The following ABI1 variants were observed in gnomAD, a reference collection of about 807,000 sequenced individuals.
The protein encoded by ABI1 is abl interactor 1, also known as Abelson interactor 1.
Under a neutral mutation model 54.6 loss-of-function variants are expected in ABI1, and 14 were observed. The ratio of observed to expected loss-of-function variants is 0.26; its 90% CI spans 0.17 to 0.40. The LOEUF (loss-of-function observed/expected upper bound fraction) is 0.40, where lower values mean the gene tolerates loss of function less well. Among genes scored for constraint, ABI1 ranks in the 10% least tolerant of loss-of-function variants. ABI1 has a pLI of 1.00. For synonymous variants in ABI1, 194 were observed against 209.3 expected, an observed-to-expected ratio of 0.93 and a Z score of 0.63; for missense variants, 443 against 598.3, an observed-to-expected ratio of 0.74 and a Z score of 2.71.
intron 1 of ABI1, among the ~76,000 whole-genome samples, chr10:26,848,685 T>A (rs1317420002): frequency 7.0e-6 from 1 of 142,950 alleles, no homozygotes; most frequent in East Asian, 2.2e-4. Context: ...CTCAGCTCAC[T>A]GCAACCTCTG....
chr10:26,796,294 T>G (rs1318850876), intron 2 of ABI1, among the ~76,000 whole-genome samples: 3 of 152,250 alleles, frequency 2.0e-5, no homozygotes, highest in Non-Finnish European at 4.4e-5. Context: ...CATAACATTT[T>G]GGTCAACAAT....
At chr10:26,817,740 A>G (rs2047668869) in intron 2 of ABI1, among the ~76,000 whole-genome samples, 1 of 152,222 alleles carries the variant, frequency 6.6e-6, no homozygotes, top group South Asian at 2.1e-4. Flanking sequence ...ATAAACAGGG[A>G]TAAAAAGCAA....
intron 1 of ABI1, among the ~76,000 whole-genome samples, chr10:26,828,606 G>A (rs1053399624): frequency 6.6e-6 from 1 of 152,188 alleles, no homozygotes; most frequent in African/African-American, 2.4e-5. Flanking sequence ...GCCTAACTGT[G>A]CATCCAATTA....
At chr10:26,815,322 A>C (rs1162096994) in intron 2 of ABI1, among the ~76,000 whole-genome samples, 1 of 152,162 alleles carries the variant, frequency 6.6e-6, no homozygotes, top group East Asian at 1.9e-4. Context: ...TAGTCACCTT[A>C]ATTTTTTTAT....
At chr10:26,763,950 A>G (rs559735069) in intron 7 of ABI1, 59 of 1,611,542 alleles carry the variant, frequency 3.7e-5, no homozygotes, top group Non-Finnish European at 4.8e-5. Context: ...GAGGAGGGAC[A>G]GAAATGTTTT....
intron 10 of ABI1, among the ~76,000 whole-genome samples, chr10:26,751,109 G>C (rs1837567025): frequency 6.6e-6 from 1 of 152,032 alleles, no homozygotes; most frequent in South Asian, 2.1e-4. Flanking sequence ...ACTTATAACA[G>C]GTTTATCCAG....
intron 2 of ABI1, among the ~76,000 whole-genome samples, chr10:26,793,129 T>C (rs1261857145): frequency 6.6e-6 from 1 of 152,184 alleles, no homozygotes; most frequent in Non-Finnish European, 1.5e-5. Context: ...CAATAAATGT[T>C]TGCTAAAAAA....
Position 26,818,448 on chromosome 10 carries a change from G to A in ABI1, c.285+4690C>T, listed in dbSNP as rs1002234603. 4.0e-5 allele frequency among the ~76,000 whole-genome samples: 6 copies of A among 151,490 alleles called. No homozygotes were observed. In the South Asian group the frequency reaches 6.3e-4, roughly 16 times the overall value. ...AACCTGGCCAACATGGTGAAACCCC[G>A]TCTCTACTAAAAATACAAAAATTAG... On this transcript the variant is annotated intron_variant, in intron 2 of 10. Transcript: ENST00000376140.
intron 1 of ABI1, among the ~76,000 whole-genome samples, chr10:26,838,940 A>T (rs2049290651): frequency 1.3e-5 from 2 of 152,184 alleles, no homozygotes; most frequent in Admixed American, 6.5e-5. Flanking sequence ...GTATAATTCT[A>T]ATGTGGCCTC....
chr10:26,850,995 G>T (rs1462668364), intron 1 of ABI1, among the ~76,000 whole-genome samples: 1 of 152,052 alleles, frequency 6.6e-6, no homozygotes, highest in Non-Finnish European at 1.5e-5. Flanking sequence ...TGAAAGAAAG[G>T]TCTATCAGAG....
chr10:26,774,261 C>T (rs570298052), intron 3 of ABI1, among the ~76,000 whole-genome samples: 5 of 151,884 alleles, frequency 3.3e-5, no homozygotes, highest in Admixed American at 6.6e-5. Flanking sequence ...TTTACTTTTT[C>T]TTTCTGGAAT....
chr10:26,852,597 G>T (rs762630463), intron 1 of ABI1, among the ~76,000 whole-genome samples: 1 of 152,128 alleles, frequency 6.6e-6, no homozygotes, highest in African/African-American at 2.4e-5. Flanking sequence ...TGTTTAAGTG[G>T]AGGGCATTAA....
intron 1 of ABI1, among the ~76,000 whole-genome samples, chr10:26,851,323 G>A (rs2050368444): frequency 6.8e-6 from 1 of 147,426 alleles, no homozygotes; most frequent in South Asian, 2.1e-4. Flanking sequence ...AGTCTGCCAA[G>A]TAGCTGGGAC....
intron 2 of ABI1, among the ~76,000 whole-genome samples, chr10:26,811,520 G>A (rs903521119): frequency 5.9e-5 from 9 of 152,088 alleles, no homozygotes; most frequent in African/African-American, 1.9e-4. Context: ...TTTACAACAG[G>A]AAAATTAGCA....
At chr10:26,818,631 C>CAAAAAAAAAAAAAAAAA (rs376157276) in intron 2 of ABI1, among the ~76,000 whole-genome samples, 16 of 73,084 alleles carry the variant, frequency 2.2e-4, no homozygotes, top group African/African-American at 6.1e-4. Context: ...GACCCCGTCA[C>CAAAAAAAAAAAAAAAAA]AAAAAAAAAA....
chr10:26,829,517 C>T (rs2048528019), intron 1 of ABI1, among the ~76,000 whole-genome samples: 1 of 152,090 alleles, frequency 6.6e-6, no homozygotes, highest in Non-Finnish European at 1.5e-5. Context: ...TGTTAATTAG[C>T]TTAACTTAGA....
chr10:26,791,079 A>AAC (rs1270913529), intron 2 of ABI1, among the ~76,000 whole-genome samples: 1 of 151,426 alleles, frequency 6.6e-6, no homozygotes, highest in Non-Finnish European at 1.5e-5. Flanking sequence ...AAAAAAAAAA[A>AAC]AAAAAAAAAA....
intron 2 of ABI1, among the ~76,000 whole-genome samples, chr10:26,807,221 C>T (rs994699651): frequency 3.9e-5 from 6 of 152,158 alleles, no homozygotes; most frequent in African/African-American, 1.4e-4. Context: ...CGCCTGTAAT[C>T]CCAGCACTTT....
rs368264825 is a variant in ABI1, at chr10:26,800,258, G to C, written c.285+22880C>G. ...AAATTAGCCGGGCATGGTGGCGTGT[G>C]CCTACAGTCACAGCTACTCAAGAGG... On this transcript the variant is annotated intron_variant, in intron 2 of 10. Coordinates refer to ENST00000376140, the MANE Select transcript of ABI1 (RefSeq NM_001012750.3). Among the ~76,000 whole-genome samples, 90 of 152,038 alleles carry C rather than the reference G, an allele frequency of 5.9e-4. 2 individuals carry two copies. The South Asian group carries it at 9.3e-3, about 16-fold the overall frequency.
Sources: gnomAD v4.1 joint callset for allele counts (sites outside exome capture counted in the v4.1 genomes callset) on GRCh38, gnomAD v4.1.1 for gene constraint, MANE v1.5 for transcripts, NCBI Gene and HGNC (gene_info 2026-07-23, HGNC 2026-07-21) for gene names.